Variants in TRAM2 observed in about 807,000 individuals in gnomAD.
TRAM2 encodes the protein translocating chain-associated membrane protein 2.
In TRAM2, 12 loss-of-function variants were observed where a neutral mutation model predicts 51.0. The observed-to-expected ratio is 0.24, with a 90% CI of 0.15 to 0.38. The LOEUF (loss-of-function observed/expected upper bound fraction) is 0.38, where lower values mean the gene tolerates loss of function less well. Among genes scored for constraint, TRAM2 ranks in the 10% least tolerant of loss-of-function variants. TRAM2 has a pLI of 1.00. For synonymous variants in TRAM2, 175 were observed against 179.4 expected, an observed-to-expected ratio of 0.98 and a Z score of 0.20; for missense variants, 361 against 462.0, an observed-to-expected ratio of 0.78 and a Z score of 2.00.
chr6:52,559,417 C>G (rs149243432), intron 1 of TRAM2, among the ~76,000 whole-genome samples: 1 of 152,184 alleles, frequency 6.6e-6, no homozygotes, highest in Non-Finnish European at 1.5e-5. Context: ...GTCAGACACA[C>G]GGACCTTGAA....
chr6:52,545,115 C>T (rs1321986864), intron 1 of TRAM2, among the ~76,000 whole-genome samples: 1 of 152,212 alleles, frequency 6.6e-6, no homozygotes, highest in Non-Finnish European at 1.5e-5. Flanking sequence ...CCATTCCAAG[C>T]TCTAGCATCC....
intron 1 of TRAM2, among the ~76,000 whole-genome samples, chr6:52,571,145 A>G (rs1767674179): frequency 6.6e-6 from 1 of 152,142 alleles, no homozygotes; most frequent in African/African-American, 2.4e-5. Flanking sequence ...AGGTTAAGAG[A>G]TACTATCAGT....
rs934045602 is a variant in TRAM2 at position 52,499,405 on chromosome 6, C to T, written c.*3792G>A. The T allele has an allele frequency of 6.6e-6, 1 of 152,158 alleles. No individual in the cohort carries two copies. Among genetic ancestry groups the T allele is most frequent in the East Asian group, 1.9e-4 (1 of 5,200 alleles). The allele number at this position is 152,158 out of a possible 1,614,324, so 9.4% of individuals were successfully genotyped here. ...AAAGAATTAGTTATGTGCAGACTTC[C>T]CTACCTCTCACACCAGGCCTAGAAA... On this transcript the variant is annotated 3_prime_UTR_variant, in exon 11 of 11. Transcript: ENST00000182527.
rs1766119346 is a variant in TRAM2 at position 52,497,919 on chromosome 6, A to T, written c.*5278T>A. On this transcript the variant is annotated 3_prime_UTR_variant, in exon 11 of 11. Coordinates refer to ENST00000182527, the MANE Select transcript of TRAM2 (RefSeq NM_012288.4). Reference sequence around the variant, plus strand: ...GCAAAATATCCTTCCTCTCCACGTGAACAAGTAGCTCTAGAGTGCTTTTAG... The same window carrying T: ...GCAAAATATCCTTCCTCTCCACGTGTACAAGTAGCTCTAGAGTGCTTTTAG... 1 of 152,210 alleles carries T rather than the reference A, an allele frequency of 6.6e-6. No individual in the cohort carries two copies. Among genetic ancestry groups the T allele is most frequent in the Non-Finnish European group, 1.5e-5 (1 of 68,044 alleles). The allele number at this position is 152,210 out of a possible 1,614,324, so 9.4% of individuals were successfully genotyped here.
rs539513866 is a variant in TRAM2, at chr6:52,552,295, C to A, written c.121-16449G>T. 3.9e-5 allele frequency among the ~76,000 whole-genome samples: 6 copies of A among 152,382 alleles called. No individual in the cohort carries two copies. In the East Asian group the frequency reaches 9.6e-4, roughly 24 times the overall value. On this transcript the variant is annotated intron_variant, in intron 1 of 10. Transcript: ENST00000182527. ...ACCAACAGGCTCCCCAGCCCTTTCACTACCCCGAGGAGGCAACGAAGACAA... is the reference window on the plus strand; with the variant it reads ...ACCAACAGGCTCCCCAGCCCTTTCAATACCCCGAGGAGGCAACGAAGACAA...
In TRAM2 at chr6:52,498,930, T is replaced by C. The variant is rs1056706; in HGVS notation, c.*4267A>G. 70,229 of 151,910 alleles carry C rather than the reference T, an allele frequency of 0.46. 17,170 individuals carry two copies. The highest frequency in any genetic ancestry group is 0.56 in the Admixed American group (8,518 of 15,190). 9.4% of individuals were successfully genotyped at this position (151,910 alleles called of 1,614,324 possible). On this transcript the variant is annotated 3_prime_UTR_variant, in exon 11 of 11. Transcript: ENST00000182527. ...CACGCAATCTGCTTGGGACAAAAAG[T>C]CTACAGGGGTTGCCAAGCACGAAAG...
intron 1 of TRAM2, among the ~76,000 whole-genome samples, chr6:52,551,175 C>A (rs1220000838): frequency 1.3e-5 from 2 of 152,112 alleles, no homozygotes; most frequent in African/African-American, 4.8e-5. Context: ...ACACCACTGG[C>A]CTCAGGCTGC....
intron 1 of TRAM2, among the ~76,000 whole-genome samples, chr6:52,564,240 C>T (rs1767552639): frequency 6.6e-6 from 1 of 152,148 alleles, no homozygotes; most frequent in African/African-American, 2.4e-5. Flanking sequence ...AGGAGCCATG[C>T]CCAGCCCTAC....
chr6:52,533,799 A>C (rs78123705), intron 2 of TRAM2, among the ~76,000 whole-genome samples: 3 of 152,208 alleles, frequency 2.0e-5, no homozygotes, highest in Non-Finnish European at 4.4e-5. Context: ...TCTCTACTAT[A>C]AAGAGGAAAA....
rs764813377 is a variant in TRAM2, at chr6:52,571,396, T to C, written c.120+5400A>G. Among the ~76,000 whole-genome samples the C allele has an allele frequency of 8.5e-5, 13 of 152,348 alleles. 1 individual carries two copies. Among genetic ancestry groups the C allele is most frequent in the South Asian group, 8.3e-4 (4 of 4,822 alleles). On this transcript the variant is annotated intron_variant, in intron 1 of 10. Coordinates refer to ENST00000182527, the MANE Select transcript of TRAM2 (RefSeq NM_012288.4). Reference sequence around the variant, plus strand: ...TTCACCATAGCAACACATGTTATTCTACAAACAGTCGGGACTAAGGCACTC... The same window carrying C: ...TTCACCATAGCAACACATGTTATTCCACAAACAGTCGGGACTAAGGCACTC...
intron 2 of TRAM2, among the ~76,000 whole-genome samples, chr6:52,521,190 G>T (rs10948702): frequency 0.22 from 32,756 of 151,728 alleles, 3,683 homozygotes; most frequent in Non-Finnish European, 0.26. Context: ...GATTACAGGT[G>T]TGAGCCACTG....
chr6:52,531,663 G>T (rs542157096), intron 2 of TRAM2, among the ~76,000 whole-genome samples: 1 of 152,262 alleles, frequency 6.6e-6, no homozygotes, highest in Non-Finnish European at 1.5e-5. Flanking sequence ...GCACATGCTG[G>T]TCCATGTGCC....
intron 1 of TRAM2, among the ~76,000 whole-genome samples, chr6:52,565,449 T>C (rs1306746346): frequency 6.6e-6 from 1 of 152,106 alleles, no homozygotes. Flanking sequence ...CTTGTTGAAT[T>C]TCCCTCTCCT....
chr6:52,538,328 C>T (rs1380304894), intron 1 of TRAM2, among the ~76,000 whole-genome samples: 1 of 152,180 alleles, frequency 6.6e-6, no homozygotes, highest in Non-Finnish European at 1.5e-5. Flanking sequence ...CTCTTAATGG[C>T]ACCAGGGTTT....
At chr6:52,563,547 G>A (rs1276240570) in intron 1 of TRAM2, among the ~76,000 whole-genome samples, 2 of 151,780 alleles carry the variant, frequency 1.3e-5, no homozygotes, top group African/African-American at 4.8e-5. Context: ...GTGAAACCCC[G>A]TCTCTACTAA....
chr6:52,549,492 CCATCT>C (rs1473921514), intron 1 of TRAM2, among the ~76,000 whole-genome samples: 1 of 152,162 alleles, frequency 6.6e-6, no homozygotes, highest in Admixed American at 6.5e-5. Context: ...CTCTAAAAAA[CCATCT>C]CATATTTCAT....
chr6:52,511,514 T>C (rs904097404), intron 4 of TRAM2, among the ~76,000 whole-genome samples: 4 of 152,046 alleles, frequency 2.6e-5, no homozygotes, highest in African/African-American at 9.7e-5. Flanking sequence ...GTGGCTTTGA[T>C]GAGAAGGCTG....
intron 2 of TRAM2, among the ~76,000 whole-genome samples, chr6:52,519,810 TAA>T (rs541387664): frequency 1.4e-5 from 2 of 145,534 alleles, no homozygotes. Flanking sequence ...GATTCAGCCT[TAA>T]AAAAAAAAAA....
chr6:52,497,893 C>T lies in TRAM2; in HGVS notation c.*5304G>A, dbSNP rs960701682. 3 of 152,228 alleles carry T rather than the reference C, an allele frequency of 2.0e-5. No individual in the cohort carries two copies. The highest frequency in any genetic ancestry group is 1.9e-4 in the East Asian group (1 of 5,192). The allele number at this position is 152,228 out of a possible 1,614,324, so 9.4% of individuals were successfully genotyped here. ...GGCTCTCCACCTGCGGCTGTTGCTT[C>T]GCAAAATATCCTTCCTCTCCACGTG... On this transcript the variant is annotated 3_prime_UTR_variant, in exon 11 of 11. Coordinates refer to ENST00000182527, the MANE Select transcript of TRAM2 (RefSeq NM_012288.4).
Sources: gnomAD v4.1 joint callset for allele counts (sites outside exome capture counted in the v4.1 genomes callset) on GRCh38, gnomAD v4.1.1 for gene constraint, MANE v1.5 for transcripts, NCBI Gene and HGNC (gene_info 2026-07-23, HGNC 2026-07-21) for gene names.